The following RNF213 variants were observed in gnomAD, a reference collection of about 807,000 sequenced individuals.
RNF213 encodes E3 ubiquitin-protein ligase RNF213.
A neutral mutation model predicts 514.4 loss-of-function variants in RNF213; 341 were observed. The ratio of observed to expected loss-of-function variants is 0.66; its 90% CI spans 0.61 to 0.73. RNF213 has a LOEUF of 0.73. Ranked by LOEUF, RNF213 falls within the 30% of genes least tolerant of loss-of-function variation. The probability of loss-of-function intolerance (pLI) is 0.00; values close to 1 mark genes in which losing one functional copy is unlikely to be tolerated. For missense variants in RNF213, 5,767 were observed against 6,615.6 expected, an observed-to-expected ratio of 0.87 and a Z score of 4.45; for synonymous variants, 2,655 against 2,658.2, an observed-to-expected ratio of 1.00 and a Z score of 0.04.
Position 80,363,748 on chromosome 17 carries a change from A to G in RNF213, c.11708A>G (p.Gln3903Arg). The change falls in exon 41 of 68, where the codon CAA becomes CGA. Residue 3903 changes from glutamine to arginine, a missense_variant. By Grantham distance (43) the Gln-to-Arg change is conservative. Coordinates refer to ENST00000582970, the MANE Select transcript of RNF213 (RefSeq NM_001256071.3). ...CTCATCTGCTCCGATGAGCACATGCAAGGCAGCGGGAGCCTGGCCCAGGCT... is the reference window on the plus strand; with the variant it reads ...CTCATCTGCTCCGATGAGCACATGCGAGGCAGCGGGAGCCTGGCCCAGGCT... ...LELICSDEHMQGSGSLAQAVI... is the reference protein window; with the variant it reads ...LELICSDEHMRGSGSLAQAVI... 1.1e-5 allele frequency: 18 copies of G among 1,613,840 alleles called. No individual in the cohort carries two copies. Among genetic ancestry groups the G allele is most frequent in the Non-Finnish European group, 1.5e-5 (18 of 1,180,014 alleles).
chr17:80,385,251 G>GGGCGGAGGGGA, intron 60 of RNF213, 80 bp downstream of exon 60: 1 of 1,568,214 alleles, frequency 6.4e-7, no homozygotes, highest in Non-Finnish European at 8.8e-7. Context: ...GAACAGGGTG[G>GGGCGGAGGGGA]GGCGGAGGGG....
chr17:80,391,160 C>T (rs1434912825), intron 67 of RNF213, among the ~76,000 whole-genome samples: 1 of 152,190 alleles, frequency 6.6e-6, no homozygotes. Flanking sequence ...TACATAGTTG[C>T]CAATCTAAAG....
At chr17:80,298,199 C>G in intron 10 of RNF213, 122 bp from the exon 11 acceptor site, 1 of 1,004,430 alleles carries the variant, frequency 1.0e-6, no homozygotes, top group Non-Finnish European at 1.5e-6. Flanking sequence ...CTCTGCTCAG[C>G]CACGCGCGGT....
At position 80,395,328 on chromosome 17, in the gene RNF213, G is replaced by A. The variant is rs2080633526; in HGVS notation, c.*1830G>A. The A allele has an allele frequency of 6.6e-6, 1 of 152,152 alleles. No individual in the cohort carries two copies. Among genetic ancestry groups the A allele is most frequent in the African/African-American group, 2.4e-5 (1 of 41,432 alleles). 9.4% of individuals were successfully genotyped at this position (152,152 alleles called of 1,614,324 possible). On this transcript the variant is annotated 3_prime_UTR_variant, in exon 68 of 68. Transcript: ENST00000582970. Reference sequence around the variant, plus strand: ...TGCTAAAGAACTCTTCTCTCTGGGGGCAGAGCTTCTATTTATGGCACATAG... The same window carrying A: ...TGCTAAAGAACTCTTCTCTCTGGGGACAGAGCTTCTATTTATGGCACATAG...
chr17:80,295,591 A>G lies in RNF213; in HGVS notation c.1790A>G (p.His597Arg), dbSNP rs2044907409. 1 of 1,614,070 alleles carries G rather than the reference A, an allele frequency of 6.2e-7. No homozygotes were observed. Among genetic ancestry groups the G allele is most frequent in the African/African-American group, 1.3e-5 (1 of 74,924 alleles). The change falls in exon 10 of 68, where the codon CAC (histidine) becomes CGC (arginine). Residue 597 changes from histidine (H) to arginine (R), a missense_variant. Transcript: ENST00000582970. ...KRYLWQHLKK[H>R]VVPLPDGKST... ...TACCTGTGGCAACATCTGAAAAAAC[A>G]CGTGGTACCATTGCCGGACGGAAAA...
At chr17:80,290,473 G>A (rs1447262880) in intron 6 of RNF213, 97 bp from the exon 7 acceptor site, 33 of 1,432,328 alleles carry the variant, frequency 2.3e-5, no homozygotes, top group East Asian at 6.8e-5. Context: ...GTGTGTGCAC[G>A]TGTGTGTGCG....
chr17:80,306,229 CCG>C, intron 11 of RNF213, 21 bp from the exon 12 acceptor site: 1 of 1,609,190 alleles, frequency 6.2e-7, no homozygotes. Context: ...TCTCTTTTCT[CCG>C]TCCCTATTTC....
At chr17:80,386,635 G>A in intron 62 of RNF213, 55 bp from the exon 63 acceptor site, 1 of 1,576,912 alleles carries the variant, frequency 6.3e-7, no homozygotes, top group Non-Finnish European at 8.7e-7. Flanking sequence ...GCAACATAGA[G>A]CCCTAGGCCC....
intron 13 of RNF213, among the ~76,000 whole-genome samples, chr17:80,308,264 A>AT: frequency 6.6e-6 from 1 of 151,876 alleles, no homozygotes; most frequent in Middle Eastern, 3.4e-3. Context: ...TGACTTGAGG[A>AT]TCCCCCCCAC....
chr17:80,279,745 A>C (rs2044192808), intron 3 of RNF213, among the ~76,000 whole-genome samples: 1 of 152,132 alleles, frequency 6.6e-6, no homozygotes, highest in African/African-American at 2.4e-5. Context: ...CTGGGATTAC[A>C]GACGTGAGCC....
At chr17:80,312,757 G>A (rs1399556901) in intron 14 of RNF213, among the ~76,000 whole-genome samples, 2 of 152,174 alleles carry the variant, frequency 1.3e-5, no homozygotes, top group African/African-American at 2.4e-5. Context: ...CTGGGCTTTC[G>A]GGGGAGCACA....
intron 29 of RNF213, among the ~76,000 whole-genome samples, chr17:80,349,318 A>T (rs1404874781): frequency 6.6e-6 from 1 of 152,178 alleles, no homozygotes; most frequent in Non-Finnish European, 1.5e-5. Context: ...GCAGGCCTCG[A>T]GGAACGTTTC....
rs1317140169 is a variant in RNF213 at position 80,263,598 on chromosome 17, C to T, written c.-84C>T. On this transcript the variant is annotated 5_prime_UTR_variant, in exon 2 of 68. The change creates a new upstream start codon in the 5' untranslated region. Transcript: ENST00000582970. This position sits in a 1 kb window ranked among gnomAD's most constrained non-coding sequence, Gnocchi z 4.9. ...GAAAATGAAACTGAAGCCGTGGTCA[C>T]GTGACAGGACATGTAGTATATAGCA... 2.8e-6 allele frequency: 3 copies of T among 1,078,470 alleles called. No individual in the cohort carries two copies. Among genetic ancestry groups the T allele is most frequent in the East Asian group, 2.4e-5 (1 of 42,310 alleles). 66.8% of individuals were successfully genotyped at this position (1,078,470 alleles called of 1,614,324 possible).
chr17:80,354,174 C>T lies in RNF213; in HGVS notation c.10726+8C>T. On this transcript the variant is annotated splice_region_variant and intron_variant, in intron 35 of 67. Coordinates refer to ENST00000582970, the MANE Select transcript of RNF213 (RefSeq NM_001256071.3). ...AGGATGACGCGTGCCACGGTATGAG[C>T]CTCCCCACCCCTCTTGCCCCTGCCC... 6.2e-7 allele frequency: 1 copy of T among 1,612,792 alleles called. No individual in the cohort carries two copies. The highest frequency in any genetic ancestry group is 2.2e-5 in the East Asian group (1 of 44,874).
At position 80,386,679 on chromosome 17, in the gene RNF213, C is replaced by T. The variant is rs199787553; in HGVS notation, c.14721-11C>T. 152 of 1,613,918 alleles carry T rather than the reference C, an allele frequency of 9.4e-5. No individual in the cohort carries two copies. The highest frequency in any genetic ancestry group is 1.2e-4 in the Non-Finnish European group (144 of 1,179,866). Reference sequence around the variant, plus strand: ...GGCCTGGACGCTGAGCGCTGTCTTTCTGCCCCTCAGCTATTCCGTGGATGC... The same window carrying T: ...GGCCTGGACGCTGAGCGCTGTCTTTTTGCCCCTCAGCTATTCCGTGGATGC... On this transcript the variant is annotated splice_polypyrimidine_tract_variant and intron_variant, in intron 62 of 67. Transcript: ENST00000582970.
chr17:80,377,293 G>C lies in RNF213; in HGVS notation c.13510+330G>C, dbSNP rs1240934601. ...ATTCAAAGGCCCACCACAAAACAAA[G>C]TTTTTGACACAAAGCTCTTCTGAAA... On this transcript the variant is annotated intron_variant, in intron 53 of 67. Transcript: ENST00000582970. The surrounding 1 kb of genome is among the most constrained non-coding windows in gnomAD (Gnocchi z 4.1). 1 of 414,586 alleles carries C rather than the reference G, an allele frequency of 2.4e-6. No individual in the cohort carries two copies. The highest frequency in any genetic ancestry group is 4.4e-6 in the Non-Finnish European group (1 of 225,392). 25.7% of individuals were successfully genotyped at this position (414,586 alleles called of 1,614,324 possible). A position where few individuals can be genotyped will look rare whatever the true frequency, so the allele number is the denominator to read the frequency against.
In RNF213 at chr17:80,363,175, C is replaced by T. The variant is rs1309296136; in HGVS notation, c.11429C>T (p.Ser3810Phe). The T allele has an allele frequency of 6.2e-7, 1 of 1,614,120 alleles. No individual in the cohort carries two copies. Among genetic ancestry groups the T allele is most frequent in the Non-Finnish European group, 8.5e-7 (1 of 1,180,058 alleles). The stretch of plus-strand genomic sequence containing the variant: ...TCAGAAGCGCCCGAGGAAGAGGTTT[C>T]CTTACCGTGGGTGCACCTTGCCTAC... ...AASEAPEEEV[S>F]LPWVHLAYQR... The change falls in exon 40 of 68, where the codon TCC becomes TTC. Residue 3810 changes from serine to phenylalanine, a missense_variant. Ser to Phe is a radical substitution (Grantham distance 155, BLOSUM62 -2). Coordinates refer to ENST00000582970, the MANE Select transcript of RNF213 (RefSeq NM_001256071.3).
At chr17:80,333,551 G>A (rs562856972) in intron 21 of RNF213, among the ~76,000 whole-genome samples, 5 of 151,698 alleles carry the variant, frequency 3.3e-5, no homozygotes, top group African/African-American at 9.6e-5. Flanking sequence ...AAAATTAGCC[G>A]GGTGTGGTGT....
Position 80,332,170 on chromosome 17 carries a change from A to G in RNF213, c.3682A>G (p.Arg1228Gly). 6.5e-7 allele frequency: 1 copy of G among 1,537,202 alleles called. No homozygotes were observed. The highest frequency in any genetic ancestry group is 8.7e-7 in the Non-Finnish European group (1 of 1,146,922). The change falls in exon 21 of 68, where the codon AGA becomes GGA. Residue 1228 changes from arginine (R) to glycine (G), a missense_variant. Around this residue, in one of 13 missense-constraint regions of RNF213, gnomAD observed 516 missense variants for 566.5 expected, o/e 0.91. Coordinates refer to ENST00000582970, the MANE Select transcript of RNF213 (RefSeq NM_001256071.3). The part of the protein sequence containing the change: ...QEMAGKIDLL[R>G]DSHIFQLFWR... ...AATGGCTGGGAAGATAGACTTGCTC[A>G]GAGACAGCCACATCTTCCAGCTCTT... is the stretch of plus-strand genomic sequence containing the variant.
Sources: allele counts gnomAD v4.1 joint callset (sites outside exome capture counted in the v4.1 genomes callset), GRCh38; gene constraint gnomAD v4.1.1; regional missense constraint gnomAD v4.1.1; non-coding constraint Gnocchi (gnomAD v3.1); transcripts MANE v1.5; gene names NCBI Gene and HGNC (gene_info 2026-07-23, HGNC 2026-07-21).